The following TXNRD3 variants were observed in gnomAD, a reference collection of about 807,000 sequenced individuals.
The protein encoded by TXNRD3 is TXNRD3 neighbor gene protein.
Under a neutral mutation model 78.2 loss-of-function variants are expected in TXNRD3, and 68 were observed. The ratio of observed to expected loss-of-function variants is 0.87; its 90% CI spans 0.72 to 1.06. TXNRD3 has a LOEUF of 1.06. Ranked by LOEUF, TXNRD3 falls within the 50% of genes least tolerant of loss-of-function variation. The probability of loss-of-function intolerance (pLI) is 0.00; values close to 1 mark genes in which losing one functional copy is unlikely to be tolerated. For missense variants in TXNRD3, 751 were observed against 809.5 expected (o/e 0.93, Z 0.88); for synonymous variants, 296 against 300.1 (o/e 0.99, Z 0.14).
chr3:126,648,087 T>C (rs958183570), intron 1 of TXNRD3, among the ~76,000 whole-genome samples: 1 of 151,294 alleles, frequency 6.6e-6, no homozygotes, highest in Non-Finnish European at 1.5e-5. Context: ...TAACGAACAA[T>C]CCAAAATAGA....
chr3:126,622,647 C>A, intron 10 of TXNRD3, 107 bp from the exon 11 acceptor site: 1 of 807,486 alleles, frequency 1.2e-6, no homozygotes, highest in South Asian at 1.9e-5. Context: ...TGGAATATTA[C>A]AAACAATCTA....
At chr3:126,618,602 A>T (rs1938368282) in intron 12 of TXNRD3, among the ~76,000 whole-genome samples, 1 of 152,202 alleles carries the variant, frequency 6.6e-6, no homozygotes, top group Non-Finnish European at 1.5e-5. Flanking sequence ...TCCCCAAATT[A>T]TAAAACTACT....
At chr3:126,651,309 G>A (rs143881897) in intron 1 of TXNRD3, among the ~76,000 whole-genome samples, 2 of 152,224 alleles carry the variant, frequency 1.3e-5, no homozygotes, top group African/African-American at 2.4e-5. Context: ...TCTTAATTCT[G>A]CCCACTGGAG....
chr3:126,636,563 C>T (rs1161436779), intron 6 of TXNRD3, among the ~76,000 whole-genome samples: 1 of 152,188 alleles, frequency 6.6e-6, no homozygotes, highest in African/African-American at 2.4e-5. Flanking sequence ...TCCTGGCCAT[C>T]ATGCTGATTC....
Position 126,627,502 on chromosome 3 carries a change from C to T in TXNRD3, c.1290+1877G>A, listed in dbSNP as rs79800005. On this transcript the variant is annotated intron_variant, in intron 10 of 15. Transcript: ENST00000524230. Reference sequence around the variant, plus strand: ...GAACGTGGACATCTGTCAAAACTGACTGAACTGTACACCTAGGATCTGTGG... The same window carrying T: ...GAACGTGGACATCTGTCAAAACTGATTGAACTGTACACCTAGGATCTGTGG... Among the ~76,000 whole-genome samples the T allele has an allele frequency of 1.8e-3, 273 of 152,292 alleles. 1 individual carries two copies. In the East Asian group the frequency reaches 0.018, roughly 10 times the overall value.
chr3:126,615,540 A>G (rs934051772), intron 12 of TXNRD3, 78 bp from the exon 13 acceptor site: 2 of 711,216 alleles, frequency 2.8e-6, no homozygotes, highest in Non-Finnish European at 4.3e-6. Flanking sequence ...ATTTATATAA[A>G]GAAAATAAAT....
At chr3:126,620,542 C>T (rs1274122784) in intron 12 of TXNRD3, among the ~76,000 whole-genome samples, 2 of 152,136 alleles carry the variant, frequency 1.3e-5, no homozygotes, top group Admixed American at 6.5e-5. Flanking sequence ...ACTACACATA[C>T]ACATATTCAG....
chr3:126,624,565 C>A (rs1288567582), intron 10 of TXNRD3, among the ~76,000 whole-genome samples: 7 of 151,958 alleles, frequency 4.6e-5, no homozygotes, highest in African/African-American at 1.7e-4. Context: ...GAACTACAGG[C>A]GCCCGCCACC....
chr3:126,628,189 C>T (rs937822901), intron 10 of TXNRD3, among the ~76,000 whole-genome samples: 10 of 151,988 alleles, frequency 6.6e-5, no homozygotes, highest in African/African-American at 2.4e-4. Context: ...AAATAGAAAA[C>T]GAGCTCCTTA....
At position 126,633,914 on chromosome 3, in the gene TXNRD3, T is replaced by C; in HGVS notation, c.850A>G (p.Ile284Val). 4.0e-6 allele frequency: 6 copies of C among 1,498,250 alleles called. No homozygotes were observed. The highest frequency in any genetic ancestry group is 5.3e-6 in the Non-Finnish European group (6 of 1,130,168). 92.8% of individuals were successfully genotyped at this position (1,498,250 alleles called of 1,614,324 possible). The change falls in exon 7 of 16, where the codon ATA (isoleucine) becomes GTA (valine). Residue 284 changes from isoleucine (I) to valine (V), a missense_variant. Physicochemically the swap from Ile to Val is conservative, Grantham distance 29. Transcript: ENST00000524230. Reference sequence around the variant, plus strand: ...ACAAGAAACTCAAGCACTACCTTTATTTTATGATGTTCAACAAATTCTCCA... The same window carrying C: ...ACAAGAAACTCAAGCACTACCTTTACTTTATGATGTTCAACAAATTCTCCA...
At chr3:126,629,683 T>C (rs942641453) in intron 9 of TXNRD3, among the ~76,000 whole-genome samples, 1 of 152,154 alleles carries the variant, frequency 6.6e-6, no homozygotes, top group Non-Finnish European at 1.5e-5. Context: ...AATGAATTAG[T>C]TGAGATTGGA....
intron 10 of TXNRD3, among the ~76,000 whole-genome samples, chr3:126,628,262 T>A (rs966404494): frequency 3.9e-5 from 6 of 152,148 alleles, no homozygotes; most frequent in African/African-American, 1.4e-4. Flanking sequence ...AAACGTCTTT[T>A]CTTTTGATAT....
intron 6 of TXNRD3, among the ~76,000 whole-genome samples, chr3:126,635,323 T>C (rs1294223685): frequency 6.6e-6 from 1 of 152,162 alleles, no homozygotes; most frequent in African/African-American, 2.4e-5. Flanking sequence ...CATGTGGACC[T>C]ATACAAATCC....
intron 1 of TXNRD3, among the ~76,000 whole-genome samples, chr3:126,649,091 T>A (rs1359530310): frequency 6.6e-6 from 1 of 152,162 alleles, no homozygotes; most frequent in Non-Finnish European, 1.5e-5. Flanking sequence ...GCAAATCACA[T>A]ATATGATAAG....
intron 1 of TXNRD3, among the ~76,000 whole-genome samples, chr3:126,650,997 T>G (rs554954434): frequency 2.5e-4 from 38 of 152,312 alleles, no homozygotes; most frequent in African/African-American, 8.2e-4. Context: ...GACCAAGGCT[T>G]ATTCATTTCT....
intron 12 of TXNRD3, among the ~76,000 whole-genome samples, chr3:126,621,227 G>A (rs115093855): frequency 0.011 from 1,611 of 152,252 alleles, 26 homozygotes; most frequent in African/African-American, 0.036. Context: ...TGGCTTTGTC[G>A]ATGATGAAAT....
At chr3:126,624,009 A>G (rs1184335911) in intron 10 of TXNRD3, among the ~76,000 whole-genome samples, 3 of 152,180 alleles carry the variant, frequency 2.0e-5, no homozygotes, top group Non-Finnish European at 4.4e-5. Flanking sequence ...AATGCCATTT[A>G]TGTTAGCTTT....
intron 5 of TXNRD3, among the ~76,000 whole-genome samples, chr3:126,643,339 A>G (rs567683564): frequency 1.3e-5 from 2 of 152,352 alleles, no homozygotes; most frequent in South Asian, 4.1e-4. Context: ...TCACTGTGGA[A>G]AAACAACATG....
rs944459138 is a variant in TXNRD3, at chr3:126,634,018, A to G, written c.746T>C (p.Ile249Thr). 7 of 1,523,260 alleles carry G rather than the reference A, an allele frequency of 4.6e-6. No individual in the cohort carries two copies. In the Admixed American group the frequency reaches 1.4e-4, roughly 31 times the overall value. The allele number at this position is 1,523,260 out of a possible 1,614,324, so 94.4% of individuals were successfully genotyped here. ...GTTTAGAGAGCTGATGTGGTTCTGAATCGCTTTTGTCATTGTCTCCCAGTT... is the reference window on the plus strand; with the variant it reads ...GTTTAGAGAGCTGATGTGGTTCTGAGTCGCTTTTGTCATTGTCTCCCAGTT... Residue 249 changes from isoleucine (I) to threonine (T), a missense_variant, in exon 7 of 16, where the codon ATT becomes ACT. Physicochemically the swap from Ile to Thr is moderately conservative, Grantham distance 89. Coordinates refer to ENST00000524230, the MANE Select transcript of TXNRD3 (RefSeq NM_052883.3).
Sources: gnomAD v4.1 joint callset for allele counts (sites outside exome capture counted in the v4.1 genomes callset) on GRCh38, gnomAD v4.1.1 for gene constraint, MANE v1.5 for transcripts, NCBI Gene and HGNC (gene_info 2026-07-23, HGNC 2026-07-21) for gene names.